SEZ6L: variants seen among roughly 807,000 people sequenced by gnomAD.
SEZ6L encodes seizure 6-like protein.
SEZ6L carries 37 observed loss-of-function variants against 106.2 expected under a neutral mutation model. That is an observed-to-expected ratio of 0.35 (90% CI 0.27 to 0.46). The LOEUF is 0.46. SEZ6L is among the 20% of genes least tolerant of loss of function. The pLI is 1.00. For missense variants in SEZ6L, 1,172 were observed against 1,332.8 expected, an observed-to-expected ratio of 0.88 and a Z score of 1.88; for synonymous variants, 541 against 570.4, an observed-to-expected ratio of 0.95 and a Z score of 0.73.
intron 1 of SEZ6L, among the ~76,000 whole-genome samples, chr22:26,265,954 G>A (rs538553500): frequency 6.6e-6 from 1 of 152,202 alleles, no homozygotes; most frequent in African/African-American, 2.4e-5. Context: ...CTGATGGGGG[G>A]ATGTTCCTGA....
In SEZ6L at chr22:26,373,459, G is replaced by T; in HGVS notation, c.2803G>T (p.Asp935Tyr). 1 of 1,595,004 alleles carries T rather than the reference G, an allele frequency of 6.3e-7. No individual in the cohort carries two copies. Among genetic ancestry groups the T allele is most frequent in the South Asian group, 1.1e-5 (1 of 87,008 alleles). ...GPLPVCKVNQ[D>Y]SFEHALEVAE... is the part of the protein sequence containing the mutation. ...CCTGATTTCTCTTTCAGTTAATCAA[G>T]ACAGTTTTGAACATGCTTTAGAAGG... Residue 935 changes from aspartate to tyrosine, a missense_variant, in exon 14 of 17, where the codon GAC becomes TAC. Around this residue, in one of 4 missense-constraint regions of SEZ6L, gnomAD observed 141 missense variants for 176.0 expected, o/e 0.80. Coordinates refer to ENST00000248933, the MANE Select transcript of SEZ6L (RefSeq NM_021115.5).
intron 9 of SEZ6L, among the ~76,000 whole-genome samples, chr22:26,339,969 T>C (rs1377563813): frequency 2.0e-5 from 3 of 152,176 alleles, no homozygotes; most frequent in Admixed American, 2.0e-4. Context: ...GCACAGTGAC[T>C]CACGCCTGTA....
intron 10 of SEZ6L, among the ~76,000 whole-genome samples, chr22:26,345,088 CA>C (rs776734337): frequency 8.6e-5 from 13 of 152,046 alleles, no homozygotes; most frequent in Non-Finnish European, 1.9e-4. Context: ...ATCTGAAGAA[CA>C]GGAAGGTTAT....
At chr22:26,271,619 C>T (rs1015854710) in intron 1 of SEZ6L, among the ~76,000 whole-genome samples, 4 of 152,166 alleles carry the variant, frequency 2.6e-5, no homozygotes, top group Admixed American at 2.0e-4. Context: ...TTACAAGTAT[C>T]TGGGACCTCC....
intron 7 of SEZ6L, 150 bp downstream of exon 7, chr22:26,310,986 G>A (rs2081810740): frequency 1.4e-6 from 1 of 733,296 alleles, no homozygotes; most frequent in South Asian, 1.8e-5. Flanking sequence ...ACAGGCTCTT[G>A]GTTTCATTAA....
chr22:26,313,987 C>G, intron 9 of SEZ6L, 85 bp downstream of exon 9: 2 of 1,370,760 alleles, frequency 1.5e-6, no homozygotes, highest in Middle Eastern at 1.8e-4. Flanking sequence ...TTCTTTCAAC[C>G]AATATTAACT....
chr22:26,225,799 G>A (rs778607044), intron 1 of SEZ6L, among the ~76,000 whole-genome samples: 2 of 152,156 alleles, frequency 1.3e-5, no homozygotes, highest in Admixed American at 1.3e-4. Context: ...AATAAAGAAT[G>A]GCTTCTAGTT....
At chr22:26,248,501 C>T (rs566288196) in intron 1 of SEZ6L, among the ~76,000 whole-genome samples, 2 of 152,224 alleles carry the variant, frequency 1.3e-5, no homozygotes, top group South Asian at 4.2e-4. Context: ...ACCACCATGC[C>T]CAGCTAGTTT....
At chr22:26,365,643 T>C (rs1192674478) in intron 13 of SEZ6L, 77 bp downstream of exon 13, 4 of 1,385,218 alleles carry the variant, frequency 2.9e-6, no homozygotes, top group Non-Finnish European at 2.9e-6. Context: ...AGTTCTGAAC[T>C]TGCTCTAAAA....
chr22:26,248,870 G>A (rs576524913), intron 1 of SEZ6L, among the ~76,000 whole-genome samples: 47 of 152,298 alleles, frequency 3.1e-4, no homozygotes, highest in Non-Finnish European at 6.8e-4. Flanking sequence ...GGCTGAAGCG[G>A]CTATGCAAGA....
chr22:26,226,788 T>C (rs1189916524), intron 1 of SEZ6L, among the ~76,000 whole-genome samples: 2 of 152,194 alleles, frequency 1.3e-5, no homozygotes, highest in Admixed American at 1.3e-4. Context: ...AGCTGAGACA[T>C]GCAGGAAAGA....
chr22:26,253,269 TCACCAG>T (rs2079670136), intron 1 of SEZ6L, among the ~76,000 whole-genome samples: 1 of 152,204 alleles, frequency 6.6e-6, no homozygotes, highest in African/African-American at 2.4e-5. Flanking sequence ...CAGAAGGGCA[TCACCAG>T]CATAGTCTTG....
chr22:26,227,395 A>G (rs893068008), intron 1 of SEZ6L, among the ~76,000 whole-genome samples: 1 of 152,176 alleles, frequency 6.6e-6, no homozygotes, highest in African/African-American at 2.4e-5. Context: ...TACTATTTTT[A>G]GTAACATAAT....
chr22:26,248,795 C>A (rs2079457899), intron 1 of SEZ6L, among the ~76,000 whole-genome samples: 1 of 152,228 alleles, frequency 6.6e-6, no homozygotes, highest in Non-Finnish European at 1.5e-5. Flanking sequence ...GGAAAGGACT[C>A]TGGTTTTAAG....
At chr22:26,319,448 G>T (rs987922534) in intron 9 of SEZ6L, among the ~76,000 whole-genome samples, 1 of 152,146 alleles carries the variant, frequency 6.6e-6, no homozygotes, top group African/African-American at 2.4e-5. Context: ...AGGCCCTATG[G>T]GATCTAGCTC....
chr22:26,365,331 T>C (rs2083769993), intron 12 of SEZ6L, 41 bp from the exon 13 acceptor site: 1 of 1,563,510 alleles, frequency 6.4e-7, no homozygotes, highest in Non-Finnish European at 8.7e-7. Flanking sequence ...CCCCAAAGAT[T>C]TGCATCATCT....
At chr22:26,245,282 T>A (rs2079296394) in intron 1 of SEZ6L, among the ~76,000 whole-genome samples, 1 of 152,030 alleles carries the variant, frequency 6.6e-6, no homozygotes. Flanking sequence ...GAAGCCAGCA[T>A]CCCCGGCTGC....
intron 14 of SEZ6L, among the ~76,000 whole-genome samples, chr22:26,374,837 TC>T (rs1313651772): frequency 6.6e-6 from 1 of 152,190 alleles, no homozygotes; most frequent in Non-Finnish European, 1.5e-5. Flanking sequence ...CTGTTATAGT[TC>T]TTGCAATTGC....
chr22:26,184,289 T>C (rs763092248), intron 1 of SEZ6L, among the ~76,000 whole-genome samples: 3 of 152,152 alleles, frequency 2.0e-5, no homozygotes, highest in Admixed American at 6.5e-5. Flanking sequence ...TCTACCCCAG[T>C]GTCTAGTACC....
Sources: gnomAD v4.1 joint callset for allele counts (sites outside exome capture counted in the v4.1 genomes callset) on GRCh38, gnomAD v4.1.1 for gene constraint, gnomAD v4.1.1 regional missense constraint, MANE v1.5 for transcripts, NCBI Gene and HGNC (gene_info 2026-07-23, HGNC 2026-07-21) for gene names.